FAIM: variants seen among roughly 807,000 people sequenced by gnomAD.
FAIM encodes the protein Fas apoptotic inhibitory molecule, also known as fas apoptotic inhibitory molecule 1.
In FAIM, 14 loss-of-function variants were observed where a neutral mutation model predicts 21.2. The observed-to-expected ratio is 0.66, with a 90% CI of 0.44 to 1.03. The LOEUF is 1.03. Among genes scored for constraint, FAIM ranks in the 50% least tolerant of loss-of-function variants. FAIM has a pLI of 0.00. For missense variants in FAIM, 222 were observed against 247.1 expected (o/e 0.90, Z 0.68); for synonymous variants, 86 against 80.4 (o/e 1.07, Z -0.37).
chr3:138,617,611 ATCTG>A (rs1469520524), intron 1 of FAIM, among the ~76,000 whole-genome samples: 1 of 139,408 alleles, frequency 7.2e-6, no homozygotes, highest in Non-Finnish European at 1.5e-5. Context: ...ATCTTATACT[ATCTG>A]TCTATCTATA....
chr3:138,632,351 T>TAAAC (rs2043014877), intron 5 of FAIM, among the ~76,000 whole-genome samples: 1 of 150,656 alleles, frequency 6.6e-6, no homozygotes, highest in African/African-American at 2.5e-5. Context: ...ATTTTATATT[T>TAAAC]AAACAGCATA....
intron 1 of FAIM, among the ~76,000 whole-genome samples, chr3:138,613,042 T>A (rs1162622962): frequency 6.6e-6 from 1 of 151,850 alleles, no homozygotes; most frequent in East Asian, 1.9e-4. Context: ...GAAACAGGCT[T>A]TTGCTCTTGT....
intron 5 of FAIM, chr3:138,629,553 A>G (rs1263808279): frequency 6.4e-6 from 1 of 156,718 alleles, no homozygotes; most frequent in Non-Finnish European, 1.4e-5. Context: ...ATTGCCTGGA[A>G]TCTTGTTAAA....
At chr3:138,612,978 T>G (rs2042786108) in intron 1 of FAIM, among the ~76,000 whole-genome samples, 1 of 152,048 alleles carries the variant, frequency 6.6e-6, no homozygotes, top group Admixed American at 6.6e-5. Flanking sequence ...TTTGTATGTC[T>G]TCTTTAGAAT....
Position 138,632,954 on chromosome 3 carries a change from G to C in FAIM, c.481G>C (p.Glu161Gln), listed in dbSNP as rs370123817. 4.3e-6 allele frequency: 7 copies of C among 1,613,254 alleles called. No homozygotes were observed. The Admixed American group carries it at 6.7e-5, about 15-fold the overall frequency. The change falls in exon 6 of 6, where the codon GAA becomes CAA. Residue 161 changes from glutamate (E) to glutamine (Q), a missense_variant. Physicochemically the swap from Glu to Gln is conservative, Grantham distance 29. Coordinates refer to ENST00000360570, the MANE Select transcript of FAIM (RefSeq NM_001033031.2). The part of the protein sequence containing the change: ...TAGEFVDDGT[E>Q]THFSIGNHDC... Reference sequence around the variant, plus strand: ...GGGTGAGTTTGTAGATGATGGGACTGAAACTCACTTCAGTATCGGGAACCA... The same window carrying C: ...GGGTGAGTTTGTAGATGATGGGACTCAAACTCACTTCAGTATCGGGAACCA...
chr3:138,612,665 G>C lies in FAIM; in HGVS notation c.-17+3728G>C, dbSNP rs149923594. ...AACAATAGTATACAGGTGTCTGAGT[G>C]GCTGATTTCAAAACTTTTTGAGTGC... On this transcript the variant is annotated intron_variant, in intron 1 of 5. Coordinates refer to ENST00000360570, the MANE Select transcript of FAIM (RefSeq NM_001033031.2). Among the ~76,000 whole-genome samples, 107 of 152,236 alleles carry C rather than the reference G, an allele frequency of 7.0e-4. 1 individual carries two copies. The East Asian group carries it at 0.015, about 22-fold the overall frequency.
At chr3:138,612,357 TC>T (rs2108333319) in intron 1 of FAIM, among the ~76,000 whole-genome samples, 1 of 152,280 alleles carries the variant, frequency 6.6e-6, no homozygotes, top group East Asian at 1.9e-4. Flanking sequence ...CGCCTCGGCC[TC>T]CCAAAGTGCT....
chr3:138,609,614 ACT>A (rs1211208979), intron 1 of FAIM, among the ~76,000 whole-genome samples: 1,138 of 25,118 alleles, frequency 0.045, 26 homozygotes, highest in African/African-American at 0.093. Context: ...CTCTCTCTCG[ACT>A]CTCTCTCTCT....
At position 138,611,350 on chromosome 3, in the gene FAIM, A is replaced by G. The variant is rs1033211183; in HGVS notation, c.-17+2413A>G. Reference sequence around the variant, plus strand: ...AAAATTCACCCATTTAAAGTATACAATTCTTTCTAATATAATTAACTTTTT... The same window carrying G: ...AAAATTCACCCATTTAAAGTATACAGTTCTTTCTAATATAATTAACTTTTT... On this transcript the variant is annotated intron_variant, in intron 1 of 5. Coordinates refer to ENST00000360570, the MANE Select transcript of FAIM (RefSeq NM_001033031.2). Among the ~76,000 whole-genome samples, 6 of 152,082 alleles carry G rather than the reference A, an allele frequency of 3.9e-5. No individual in the cohort carries two copies. The East Asian group carries it at 5.8e-4, about 15-fold the overall frequency.
chr3:138,633,033 A>C lies in FAIM; in HGVS notation c.560A>C (p.His187Pro). The C allele has an allele frequency of 6.2e-7, 1 of 1,613,826 alleles. No homozygotes were observed. Among genetic ancestry groups the C allele is most frequent in the Non-Finnish European group, 8.5e-7 (1 of 1,179,836 alleles). The change falls in exon 6 of 6, where the codon CAT becomes CCT. Residue 187 changes from histidine (H) to proline (P), a missense_variant. Transcript: ENST00000360570. The stretch of plus-strand genomic sequence containing the variant: ...GGGAAGCGGAAAGAAGGGATTATTC[A>C]TACTCTCATTGTGGATAATAGAGAA... Reference protein sequence around the residue: ...SSGKRKEGIIHTLIVDNREIP... With the variant: ...SSGKRKEGIIPTLIVDNREIP...
chr3:138,609,195 G>T, intron 1 of FAIM: 1 of 151,950 alleles, frequency 6.6e-6, no homozygotes, highest in South Asian at 2.1e-4. Context: ...CCAGACCTCG[G>T]GGCGGGACGC....
At chr3:138,609,856 G>T (rs1013183934) in intron 1 of FAIM, among the ~76,000 whole-genome samples, 1 of 152,018 alleles carries the variant, frequency 6.6e-6, no homozygotes, top group Admixed American at 6.6e-5. Context: ...CACAAGATTC[G>T]TTCTAAAACA....
At chr3:138,632,890 G>A in intron 5 of FAIM, 40 bp from the exon 6 acceptor site, 1 of 1,599,476 alleles carries the variant, frequency 6.3e-7, no homozygotes, top group Non-Finnish European at 8.5e-7. Flanking sequence ...AGAGATAAAA[G>A]TTTCTGCACC....
chr3:138,621,870 C>T (rs901867703), intron 3 of FAIM, among the ~76,000 whole-genome samples: 8 of 152,106 alleles, frequency 5.3e-5, no homozygotes, highest in Non-Finnish European at 1.0e-4. Flanking sequence ...ACAACCTCCA[C>T]CTTCTGTGTT....
At chr3:138,615,599 C>T (rs1485430676) in intron 1 of FAIM, among the ~76,000 whole-genome samples, 3 of 152,116 alleles carry the variant, frequency 2.0e-5, no homozygotes, top group Non-Finnish European at 4.4e-5. Flanking sequence ...AGACCTCTAA[C>T]CTAAATCTCT....
rs117674100 is a variant in FAIM, at chr3:138,620,680, G to A, written c.45-727G>A. ...GTGACTAATATGTTTGTAGAGACAG[G>A]GTTTCACCATGTTGTCCAGGCTGGT... is the stretch of plus-strand genomic sequence containing the variant. On this transcript the variant is annotated intron_variant, in intron 2 of 5. Coordinates refer to ENST00000360570, the MANE Select transcript of FAIM (RefSeq NM_001033031.2). 8.5e-5 allele frequency among the ~76,000 whole-genome samples: 13 copies of A among 152,146 alleles called. No individual in the cohort carries two copies. In the East Asian group the frequency reaches 2.3e-3, roughly 27 times the overall value.
At chr3:138,627,592 C>T (rs182047184) in intron 4 of FAIM, among the ~76,000 whole-genome samples, 3 of 152,292 alleles carry the variant, frequency 2.0e-5, no homozygotes, top group East Asian at 1.9e-4. Context: ...TCTGAGTACA[C>T]GTACATGTTC....
At chr3:138,619,857 T>G in intron 2 of FAIM, 87 bp downstream of exon 2, 3 of 1,289,754 alleles carry the variant, frequency 2.3e-6, no homozygotes, top group Non-Finnish European at 3.3e-6. Context: ...AGATACTCTG[T>G]TAAGAATACA....
chr3:138,609,974 A>G (rs2042750289), intron 1 of FAIM, among the ~76,000 whole-genome samples: 1 of 152,110 alleles, frequency 6.6e-6, no homozygotes, highest in Admixed American at 6.5e-5. Flanking sequence ...ATTTGGGAAT[A>G]CTTGGCTCGA....
Sources: allele counts gnomAD v4.1 joint callset (sites outside exome capture counted in the v4.1 genomes callset), GRCh38; gene constraint gnomAD v4.1.1; transcripts MANE v1.5; gene names NCBI Gene and HGNC (gene_info 2026-07-23, HGNC 2026-07-21).